The following PAWR variants were observed in gnomAD, a reference collection of about 807,000 sequenced individuals.
PAWR encodes pro-apoptotic WT1 regulator.
A neutral mutation model predicts 32.0 loss-of-function variants in PAWR; 23 were observed. That is an observed-to-expected ratio of 0.72 (90% confidence interval 0.52 to 1.02). PAWR has a LOEUF of 1.02. Among genes scored for constraint, PAWR ranks in the 50% least tolerant of loss-of-function variants. The probability of loss-of-function intolerance (pLI) is 0.00; values close to 1 mark genes in which losing one functional copy is unlikely to be tolerated. For missense variants in PAWR, 457 were observed against 437.7 expected, an observed-to-expected ratio of 1.04 and a Z score of -0.39; for synonymous variants, 226 against 187.1, an observed-to-expected ratio of 1.21 and a Z score of -1.70.
chr12:79,653,530 A>G (rs1876954295), intron 2 of PAWR, among the ~76,000 whole-genome samples: 1 of 152,116 alleles, frequency 6.6e-6, no homozygotes, highest in African/African-American at 2.4e-5. Flanking sequence ...CCCAGGCTGG[A>G]GTGCAATGGC....
At chr12:79,618,897 C>T (rs1874871764) in intron 3 of PAWR, among the ~76,000 whole-genome samples, 1 of 151,706 alleles carries the variant, frequency 6.6e-6, no homozygotes, top group African/African-American at 2.4e-5. Context: ...CTACTCCATA[C>T]TAAATAGGGA....
intron 2 of PAWR, among the ~76,000 whole-genome samples, chr12:79,674,913 T>C (rs1878087661): frequency 6.6e-6 from 1 of 152,172 alleles, no homozygotes; most frequent in South Asian, 2.1e-4. Context: ...AATCCACAGA[T>C]GTTGGTGAGG....
chr12:79,671,510 CAAG>C (rs1332689451), intron 2 of PAWR, among the ~76,000 whole-genome samples: 1 of 152,034 alleles, frequency 6.6e-6, no homozygotes, highest in Middle Eastern at 3.2e-3. Context: ...CCTAGTTTAC[CAAG>C]AAGTTTTACT....
intron 2 of PAWR, among the ~76,000 whole-genome samples, chr12:79,683,861 G>C (rs959998804): frequency 6.6e-6 from 1 of 152,054 alleles, no homozygotes; most frequent in Admixed American, 6.5e-5. Flanking sequence ...AATGGTAGTA[G>C]GTGCCCAAGT....
At chr12:79,622,799 A>G (rs930375153) in intron 2 of PAWR, among the ~76,000 whole-genome samples, 1 of 152,206 alleles carries the variant, frequency 6.6e-6, no homozygotes, top group Non-Finnish European at 1.5e-5. Context: ...TGCTGAGTCT[A>G]AACTGTTCTT....
At chr12:79,594,471 ATTGT>A (rs755415136) in intron 5 of PAWR, 38 bp from the exon 6 acceptor site, 2 of 971,850 alleles carry the variant, frequency 2.1e-6, no homozygotes, top group Admixed American at 4.4e-5. Flanking sequence ...TTAGGAAGTA[ATTGT>A]TTATTTATAA....
rs957323393 is a variant in PAWR at position 79,590,907 on chromosome 12, A to G, written c.*1700T>C. 1.4e-4 allele frequency: 22 copies of G among 152,358 alleles called. No homozygotes were observed. Among genetic ancestry groups the G allele is most frequent in the Non-Finnish European group, 2.9e-4 (20 of 68,034 alleles). The allele number at this position is 152,358 out of a possible 1,614,324, so 9.4% of individuals were successfully genotyped here. A position where few individuals can be genotyped will look rare whatever the true frequency, so the allele number is the denominator to read the frequency against. ...GAGCAGTGAATATACACATGGTCAT[A>G]TGAAAACTGCCCTGGAGACCGGGTT... On this transcript the variant is annotated 3_prime_UTR_variant, in exon 7 of 7. Coordinates refer to ENST00000328827, the MANE Select transcript of PAWR (RefSeq NM_002583.4).
chr12:79,593,070 T>C (rs1873614515), intron 6 of PAWR, among the ~76,000 whole-genome samples: 1 of 151,694 alleles, frequency 6.6e-6, no homozygotes. Context: ...AAGCCATATA[T>C]GGTATTGAGC....
At chr12:79,642,977 C>A (rs8176835) in intron 2 of PAWR, among the ~76,000 whole-genome samples, 4 of 152,072 alleles carry the variant, frequency 2.6e-5, no homozygotes, top group African/African-American at 9.7e-5. Flanking sequence ...AATAGGAATT[C>A]TTTTAAATTG....
intron 5 of PAWR, among the ~76,000 whole-genome samples, chr12:79,595,800 C>T (rs1873728877): frequency 1.3e-5 from 2 of 151,788 alleles, no homozygotes; most frequent in South Asian, 2.1e-4. Flanking sequence ...TGCAGTGAGC[C>T]GATACTGAGC....
At chr12:79,670,275 C>T (rs1877827199) in intron 2 of PAWR, among the ~76,000 whole-genome samples, 1 of 152,066 alleles carries the variant, frequency 6.6e-6, no homozygotes, top group South Asian at 2.1e-4. Context: ...AGTAAAGTTA[C>T]TAAATTATAG....
intron 3 of PAWR, among the ~76,000 whole-genome samples, chr12:79,618,133 T>G (rs983560442): frequency 1.1e-4 from 16 of 152,146 alleles, no homozygotes; most frequent in East Asian, 1.9e-4. Context: ...TTCTTTTTTT[T>G]TTTGTTTCTT....
intron 2 of PAWR, among the ~76,000 whole-genome samples, chr12:79,652,246 T>C (rs1358085436): frequency 2.0e-5 from 3 of 152,320 alleles, no homozygotes; most frequent in African/African-American, 7.2e-5. Flanking sequence ...CTAAGTTTTA[T>C]ATTATATACG....
chr12:79,656,977 G>A (rs1877121173), intron 2 of PAWR, among the ~76,000 whole-genome samples: 1 of 152,010 alleles, frequency 6.6e-6, no homozygotes, highest in South Asian at 2.1e-4. Flanking sequence ...GAGTTCTGAA[G>A]AGGAAAAAAA....
intron 3 of PAWR, among the ~76,000 whole-genome samples, chr12:79,615,464 A>G (rs527350748): frequency 4.4e-4 from 67 of 152,314 alleles, no homozygotes; most frequent in African/African-American, 1.5e-3. Flanking sequence ...TTGACCCCAT[A>G]AACACGCTTA....
At chr12:79,637,915 G>A (rs1051664064) in intron 2 of PAWR, among the ~76,000 whole-genome samples, 1 of 151,976 alleles carries the variant, frequency 6.6e-6, no homozygotes, top group Admixed American at 6.6e-5. Flanking sequence ...AAATAGTTGT[G>A]GATATCCCAT....
chr12:79,637,737 A>G (rs951639163), intron 2 of PAWR, among the ~76,000 whole-genome samples: 3 of 151,974 alleles, frequency 2.0e-5, no homozygotes, highest in Non-Finnish European at 4.4e-5. Context: ...CACATACAAC[A>G]TACCTCTAAA....
chr12:79,644,019 T>C (rs1401329285), intron 2 of PAWR, among the ~76,000 whole-genome samples: 1 of 152,148 alleles, frequency 6.6e-6, no homozygotes, highest in Non-Finnish European at 1.5e-5. Context: ...CACTATTGAT[T>C]CAGATGTGTC....
At chr12:79,679,355 G>C (rs1227156852) in intron 2 of PAWR, among the ~76,000 whole-genome samples, 1 of 152,114 alleles carries the variant, frequency 6.6e-6, no homozygotes, top group Non-Finnish European at 1.5e-5. Flanking sequence ...AATGAAAGAA[G>C]CTGTCACATT....
Sources: gnomAD v4.1 joint callset for allele counts (sites outside exome capture counted in the v4.1 genomes callset) on GRCh38, gnomAD v4.1.1 for gene constraint, MANE v1.5 for transcripts, NCBI Gene and HGNC (gene_info 2026-07-23, HGNC 2026-07-21) for gene names.